ACTA2: variants seen among roughly 807,000 people sequenced by gnomAD.
ACTA2 encodes actin alpha 2, smooth muscle.
ACTA2 carries 12 observed loss-of-function variants against 39.5 expected under a neutral mutation model. The ratio of observed to expected loss-of-function variants is 0.30; its 90% CI spans 0.19 to 0.49. The LOEUF (loss-of-function observed/expected upper bound fraction) is 0.49, where lower values mean the gene tolerates loss of function less well. Among genes scored for constraint, ACTA2 ranks in the 20% least tolerant of loss-of-function variants. The pLI is 0.99. For missense variants in ACTA2, 236 were observed against 498.8 expected (o/e 0.47, Z 5.02); for synonymous variants, 158 against 180.6 (o/e 0.88, Z 1.00).
intron 6 of ACTA2, chr10:88,940,837 G>C (rs1309207092): frequency 3.2e-6 from 1 of 314,700 alleles, no homozygotes; most frequent in Admixed American, 3.9e-5. Flanking sequence ...ACTATGGTTG[G>C]TTAACTTGTC....
At chr10:88,949,029 A>G (rs1846003829) in intron 1 of ACTA2, 76 bp from the exon 2 acceptor site, 1 of 1,524,344 alleles carries the variant, frequency 6.6e-7, no homozygotes. Context: ...TCCCACCTCC[A>G]AGGCTGGGTT....
upstream of ACTA2, among the ~76,000 whole-genome samples, chr10:88,955,835 A>G (rs1487299962): frequency 1.3e-5 from 2 of 152,326 alleles, no homozygotes; most frequent in East Asian, 3.9e-4. Flanking sequence ...GGATCAATAC[A>G]CGGGGGTTAT....
intron 1 of ACTA2, among the ~76,000 whole-genome samples, chr10:88,989,938 C>T (rs1281132948): frequency 6.6e-6 from 1 of 152,156 alleles, no homozygotes; most frequent in South Asian, 2.1e-4. Flanking sequence ...AGCTATCTAC[C>T]GTTCCAAAGC....
rs1195979746 is a variant in ACTA2 at position 88,970,895 on chromosome 10, GTGTA to G, written c.-24+20040_-24+20043del. 4.9e-5 allele frequency among the ~76,000 whole-genome samples: 7 copies of G among 144,106 alleles called. 1 individual carries two copies. Among genetic ancestry groups the G allele is most frequent in the East Asian group, 4.0e-4 (2 of 4,986 alleles). The allele number at this position is 144,106 out of a possible 152,430, so 94.5% of individuals were successfully genotyped here. The stretch of plus-strand genomic sequence containing the variant: ...AAAAAGTGTGTGTGTGTGTGTGTGT[GTGTA>G]TATATATAAAGAATTCCCCACTTAA... On this transcript the variant is annotated intron_variant, in intron 1 of 4. Transcript: ENST00000415557.
At chr10:88,967,541 T>C (rs950496525) in intron 1 of ACTA2, among the ~76,000 whole-genome samples, 2 of 152,234 alleles carry the variant, frequency 1.3e-5, no homozygotes, top group African/African-American at 4.8e-5. Context: ...ACATGCATTT[T>C]ATGACAATCC....
At chr10:88,976,336 A>G (rs1259403541) in intron 1 of ACTA2, among the ~76,000 whole-genome samples, 1 of 152,248 alleles carries the variant, frequency 6.6e-6, no homozygotes. Context: ...TATAATAGAT[A>G]ACATATAATT....
chr10:88,948,343 G>A (rs981127919), intron 2 of ACTA2: 1 of 172,264 alleles, frequency 5.8e-6, no homozygotes, highest in Non-Finnish European at 1.3e-5. Context: ...TTACCATGCG[G>A]CTGTCCAAAT....
At chr10:88,938,469 T>C in intron 7 of ACTA2, 1 of 548,978 alleles carries the variant, frequency 1.8e-6, no homozygotes, top group Non-Finnish European at 3.3e-6. Context: ...AGGTGTGGGC[T>C]ACAACAGGTA....
In ACTA2 at chr10:88,990,967, T is replaced by C. The variant is rs1401905787; in HGVS notation, c.-52A>G. 1.2e-6 allele frequency: 2 copies of C among 1,611,298 alleles called. No homozygotes were observed. Among genetic ancestry groups the C allele is most frequent in the Non-Finnish European group, 1.7e-6 (2 of 1,177,816 alleles). ...GTCTTAGTCCCGGGGATAGGCAAAG[T>C]GGGGCGGGCGCGGGACGCGTGCGGG... On this transcript the variant is annotated 5_prime_UTR_variant, in exon 1 of 5. Coordinates refer to the ACTA2 transcript ENST00000415557. The surrounding 1 kb of genome is among the most constrained non-coding windows in gnomAD (Gnocchi z 4.9).
At chr10:88,975,552 A>G (rs1846543526) in intron 1 of ACTA2, among the ~76,000 whole-genome samples, 1 of 152,158 alleles carries the variant, frequency 6.6e-6, no homozygotes, top group South Asian at 2.1e-4. Context: ...AGCAAAGGGA[A>G]CTATCAGCAA....
Position 88,939,305 on chromosome 10 carries a change from A to T in ACTA2, c.808+202T>A. 4 of 644,952 alleles carry T rather than the reference A, an allele frequency of 6.2e-6. No homozygotes were observed. In the South Asian group the frequency reaches 7.3e-5, roughly 12 times the overall value. 40.0% of individuals were successfully genotyped at this position (644,952 alleles called of 1,614,324 possible). On this transcript the variant is annotated intron_variant, in intron 7 of 8. Transcript: ENST00000224784. Reference sequence around the variant, plus strand: ...TGCTTTGGGCTTAACTGCAACATAGATAGTGTTTTCTTAGGAAGAAAACCT... The same window carrying T: ...TGCTTTGGGCTTAACTGCAACATAGTTAGTGTTTTCTTAGGAAGAAAACCT...
intron 1 of ACTA2, among the ~76,000 whole-genome samples, chr10:88,969,625 G>T (rs1846387365): frequency 6.6e-6 from 1 of 151,852 alleles, no homozygotes; most frequent in Non-Finnish European, 1.5e-5. Flanking sequence ...CTGGCTCTCT[G>T]GGATGACCAG....
intron 1 of ACTA2, among the ~76,000 whole-genome samples, chr10:88,988,347 A>G (rs1004953846): frequency 4.6e-5 from 7 of 152,016 alleles, no homozygotes; most frequent in African/African-American, 1.7e-4. Context: ...AATTTGGTTG[A>G]CAACATTTTT....
At chr10:88,941,470 G>T (rs933323197) in intron 5 of ACTA2, 80 bp from the exon 6 acceptor site, 19 of 1,569,352 alleles carry the variant, frequency 1.2e-5, no homozygotes, top group African/African-American at 1.1e-4. Context: ...GGAAGCCTTG[G>T]GGGAGAGGGA....
chr10:88,983,627 A>C (rs1464276245), intron 1 of ACTA2, among the ~76,000 whole-genome samples: 3 of 147,750 alleles, frequency 2.0e-5, no homozygotes, highest in African/African-American at 7.4e-5. Context: ...AAAAAAAAAA[A>C]AAAAAAAAAA....
intron 1 of ACTA2, chr10:88,973,303 A>AACAG: frequency 6.2e-7 from 1 of 1,610,378 alleles, no homozygotes; most frequent in African/African-American, 1.3e-5. Flanking sequence ...TCACCATCTG[A>AACAG]ACAGCTCTGA....
chr10:88,962,912 C>CATATATATATAT (rs60878394), intron 1 of ACTA2, among the ~76,000 whole-genome samples: 1 of 101,612 alleles, frequency 9.8e-6, no homozygotes, highest in Non-Finnish European at 2.0e-5. Context: ...GGGAATGCCC[C>CATATATATATAT]ATATATATAT....
Position 88,938,121 on chromosome 10 carries a change from G to T in ACTA2, c.930C>A (p.Gly310=). Residue 310 remains glycine, a synonymous_variant, in exon 8 of 9, where the codon GGC becomes GGA. Coordinates refer to ENST00000224784, the MANE Select transcript of ACTA2 (RefSeq NM_001613.4). ...VLSGGTTMYP[G]IADRMQKEIT... is the part of the protein sequence containing the mutation. Reference sequence around the variant, plus strand: ...TCTCCTTCTGCATTCGGTCGGCAATGCCAGGGTACATAGTGGTGCCCCCTG... The same window carrying T: ...TCTCCTTCTGCATTCGGTCGGCAATTCCAGGGTACATAGTGGTGCCCCCTG... 6.2e-7 allele frequency: 1 copy of T among 1,614,054 alleles called. No individual in the cohort carries two copies. The highest frequency in any genetic ancestry group is 8.5e-7 in the Non-Finnish European group (1 of 1,179,946).
At chr10:88,984,876 C>T (rs777015371) in intron 1 of ACTA2, among the ~76,000 whole-genome samples, 19 of 152,160 alleles carry the variant, frequency 1.2e-4, no homozygotes, top group Admixed American at 1.3e-4. Context: ...CAGTTATTTT[C>T]TGGAAAGTTT....
Sources: allele counts gnomAD v4.1 joint callset (sites outside exome capture counted in the v4.1 genomes callset), GRCh38; gene constraint gnomAD v4.1.1; non-coding constraint Gnocchi (gnomAD v3.1); transcripts MANE v1.5; gene names NCBI Gene and HGNC (gene_info 2026-07-23, HGNC 2026-07-21).